DNAH12: variants seen among roughly 807,000 people sequenced by gnomAD.
DNAH12 encodes the protein axonemal beta dynein heavy chain 12.
Under a neutral mutation model 371.5 loss-of-function variants are expected in DNAH12, and 285 were observed. That is an observed-to-expected ratio of 0.77 (90% confidence interval 0.70 to 0.85). The LOEUF (loss-of-function observed/expected upper bound fraction) is 0.85. DNAH12 is among the 40% of genes least tolerant of loss of function. The pLI is 0.00. For synonymous variants in DNAH12, 1,200 were observed against 1,213.0 expected (o/e 0.99, Z 0.22); for missense variants, 3,611 against 3,689.4 (o/e 0.98, Z 0.55).
intron 70 of DNAH12, among the ~76,000 whole-genome samples, chr3:57,298,743 T>C (rs1181096556): frequency 3.9e-5 from 6 of 152,190 alleles, no homozygotes; most frequent in Non-Finnish European, 7.3e-5. Flanking sequence ...CCATAAGAAC[T>C]CTCTCCCTTC....
At chr3:57,436,672 C>A (rs560935368) in intron 30 of DNAH12, among the ~76,000 whole-genome samples, 2 of 152,278 alleles carry the variant, frequency 1.3e-5, no homozygotes, top group East Asian at 3.9e-4. Context: ...TTGATTAGAA[C>A]TTTTAGGTGC....
chr3:57,455,358 G>C (rs935344235), intron 22 of DNAH12, among the ~76,000 whole-genome samples: 2 of 151,818 alleles, frequency 1.3e-5, no homozygotes, highest in Non-Finnish European at 2.9e-5. Context: ...GAGGTCAGGA[G>C]TTCGAGACCA....
intron 60 of DNAH12, among the ~76,000 whole-genome samples, chr3:57,340,166 C>T (rs2062359022): frequency 1.3e-5 from 2 of 151,606 alleles, no homozygotes; most frequent in South Asian, 4.2e-4. Flanking sequence ...AGCAAGTTTA[C>T]AGCAAGTATA....
chr3:57,352,618 T>C (rs2062705362), intron 59 of DNAH12, among the ~76,000 whole-genome samples: 1 of 151,964 alleles, frequency 6.6e-6, no homozygotes, highest in African/African-American at 2.4e-5. Context: ...CCTAAATATC[T>C]TATTCTGCCC....
intron 60 of DNAH12, among the ~76,000 whole-genome samples, chr3:57,342,653 A>AG (rs1352738806): frequency 6.9e-6 from 1 of 145,346 alleles, no homozygotes; most frequent in East Asian, 2.0e-4. Context: ...CTGAGACTCA[A>AG]AAAAAAAAAA....
intron 13 of DNAH12, among the ~76,000 whole-genome samples, chr3:57,477,118 G>A (rs1189006494): frequency 3.3e-5 from 5 of 152,278 alleles, no homozygotes; most frequent in Non-Finnish European, 7.4e-5. Flanking sequence ...AGCCAAAGCA[G>A]GGTGAGGCAT....
At chr3:57,456,155 T>C (rs1274171799) in intron 22 of DNAH12, among the ~76,000 whole-genome samples, 1 of 152,236 alleles carries the variant, frequency 6.6e-6, no homozygotes, top group African/African-American at 2.4e-5. Flanking sequence ...AGAAGGTCAA[T>C]TTCTATACTG....
intron 29 of DNAH12, among the ~76,000 whole-genome samples, chr3:57,441,404 T>C (rs1490609770): frequency 6.6e-6 from 1 of 152,004 alleles, no homozygotes; most frequent in Non-Finnish European, 1.5e-5. Context: ...AAAAGAGGCA[T>C]GAGAGACACA....
chr3:57,338,390 C>T (rs1353032132), intron 60 of DNAH12, among the ~76,000 whole-genome samples: 3 of 151,946 alleles, frequency 2.0e-5, no homozygotes, highest in Admixed American at 6.5e-5. Flanking sequence ...AGCGCCTCTG[C>T]CCGGCCGCCA....
intron 4 of DNAH12, among the ~76,000 whole-genome samples, chr3:57,516,394 A>G (rs2068197700): frequency 6.6e-6 from 1 of 152,010 alleles, no homozygotes; most frequent in Non-Finnish European, 1.5e-5. Context: ...TTCTTGTGTG[A>G]TAGTCCCCAG....
At chr3:57,506,902 T>C (rs1201119951) in intron 8 of DNAH12, among the ~76,000 whole-genome samples, 5 of 151,996 alleles carry the variant, frequency 3.3e-5, no homozygotes, top group Admixed American at 3.3e-4. Flanking sequence ...CAAACAAACA[T>C]GGTTCTAAAT....
rs527972187 is a variant in DNAH12 at position 57,338,076 on chromosome 3, G to A, written c.9675-3136C>T. 3.4e-3 allele frequency among the ~76,000 whole-genome samples: 523 copies of A among 152,276 alleles called. 4 individuals carry two copies. Among genetic ancestry groups the A allele is most frequent in the African/African-American group, 0.011 (474 of 41,552 alleles). On this transcript the variant is annotated intron_variant, in intron 60 of 73. Transcript: ENST00000495027. ...TGCTGAGGCTGGACTGTACTGCCGT[G>A]ATCTTGGCTCGCTGCAACCTCCCTG...
At chr3:57,353,889 A>G (rs2153323234) in intron 59 of DNAH12, among the ~76,000 whole-genome samples, 1 of 152,334 alleles carries the variant, frequency 6.6e-6, no homozygotes, top group Non-Finnish European at 1.5e-5. Context: ...GAAGCTGGTG[A>G]AGTTGTGGAG....
intron 70 of DNAH12, 39 bp from the exon 71 acceptor site, chr3:57,297,023 AAGTTATACAAGTGCC>A: frequency 6.5e-7 from 1 of 1,544,716 alleles, no homozygotes; most frequent in Non-Finnish European, 8.7e-7. Context: ...TCAGTTTTTA[AAGTTATACAAGTGCC>A]ACCTGATGTA....
At chr3:57,465,373 A>C (rs975026998) in intron 17 of DNAH12, among the ~76,000 whole-genome samples, 22 of 152,132 alleles carry the variant, frequency 1.4e-4, no homozygotes, top group African/African-American at 5.1e-4. Context: ...TTATAAAAAA[A>C]CTCTTTCAGA....
intron 28 of DNAH12, 69 bp from the exon 29 acceptor site, chr3:57,444,885 T>G: frequency 2.4e-6 from 3 of 1,232,712 alleles, no homozygotes; most frequent in Non-Finnish European, 2.1e-6. Flanking sequence ...CTCCCTCCCC[T>G]CCCAGCCCCG....
intron 45 of DNAH12, among the ~76,000 whole-genome samples, chr3:57,389,816 G>GTGTGTGTGTGTGTGTGTT (rs2063572943): frequency 1.5e-5 from 1 of 64,630 alleles, no homozygotes; most frequent in African/African-American, 3.8e-5. Context: ...GTGTGTGTGT[G>GTGTGTGTGTGTGTGTGTT]TGTGTGTATA....
chr3:57,521,759 C>T (rs559670865), intron 4 of DNAH12, among the ~76,000 whole-genome samples: 2 of 151,198 alleles, frequency 1.3e-5, no homozygotes, highest in African/African-American at 4.9e-5. Flanking sequence ...TGGTGGCAGG[C>T]GCCTGTAATC....
chr3:57,320,140 A>T (rs1482819906), intron 65 of DNAH12, among the ~76,000 whole-genome samples: 1 of 152,182 alleles, frequency 6.6e-6, no homozygotes, highest in Non-Finnish European at 1.5e-5. Flanking sequence ...TAGGGCACTG[A>T]CATCTGTAGC....
Sources: gnomAD v4.1 joint callset for allele counts (sites outside exome capture counted in the v4.1 genomes callset) on GRCh38, gnomAD v4.1.1 for gene constraint, MANE v1.5 for transcripts, NCBI Gene and HGNC (gene_info 2026-07-23, HGNC 2026-07-21) for gene names.